Variants in KCNIP4 observed in about 807,000 individuals in gnomAD.
The protein encoded by KCNIP4 is Kv channel-interacting protein 4.
Under a neutral mutation model 34.0 loss-of-function variants are expected in KCNIP4, and 12 were observed. The observed-to-expected ratio is 0.35, with a 90% CI of 0.23 to 0.57. KCNIP4 has a LOEUF of 0.57. Among genes scored for constraint, KCNIP4 ranks in the 20% least tolerant of loss-of-function variants. The probability of loss-of-function intolerance (pLI) is 0.83; values close to 1 mark genes in which losing one functional copy is unlikely to be tolerated. For missense variants in KCNIP4, 238 were observed against 311.7 expected (o/e 0.76, Z 1.78); for synonymous variants, 124 against 102.2 (o/e 1.21, Z -1.29).
chr4:21,291,582 G>A (rs1186924959), intron 1 of KCNIP4, among the ~76,000 whole-genome samples: 4 of 152,046 alleles, frequency 2.6e-5, no homozygotes, highest in African/African-American at 4.8e-5. Flanking sequence ...AGGTGCGGTG[G>A]CTCACGCCTG....
chr4:21,581,117 G>A (rs1047645609), intron 1 of KCNIP4, among the ~76,000 whole-genome samples: 1 of 151,942 alleles, frequency 6.6e-6, no homozygotes, highest in African/African-American at 2.4e-5. Context: ...AAAGGTTTAG[G>A]TGAAACATCA....
chr4:21,851,739 A>T (rs1271281600), intron 1 of KCNIP4: 1 of 152,146 alleles, frequency 6.6e-6, no homozygotes, highest in Non-Finnish European at 1.5e-5. Context: ...AGCTATATAT[A>T]CCACGTACAC....
intron 1 of KCNIP4, among the ~76,000 whole-genome samples, chr4:21,875,452 C>T (rs568619762): frequency 7.9e-5 from 12 of 152,234 alleles, no homozygotes; most frequent in African/African-American, 2.4e-4. Context: ...TGCTTTTCTA[C>T]GTTGAAATAG....
intron 1 of KCNIP4, among the ~76,000 whole-genome samples, chr4:21,683,394 CTAACA>C (rs1319578387): frequency 6.8e-6 from 1 of 147,798 alleles, no homozygotes; most frequent in Non-Finnish European, 1.5e-5. Context: ...GTCACTGAAC[CTAACA>C]TAAGTAACTT....
rs1736202921 is a variant in KCNIP4, at chr4:21,528,675, CAAAGAAAGAAAGAAAGAAA to C, written c.61+419877_61+419895del. Among the ~76,000 whole-genome samples, 49 of 84,252 alleles carry C rather than the reference CAAAGAAAGAAAGAAAGAAA, an allele frequency of 5.8e-4. 3 individuals are homozygous for C. The highest frequency in any genetic ancestry group is 2.2e-3 in the African/African-American group (44 of 20,054). 55.3% of individuals were successfully genotyped at this position (84,252 alleles called of 152,430 possible). A position where few individuals can be genotyped will look rare whatever the true frequency, so the allele number is the denominator to read the frequency against. On this transcript the variant is annotated intron_variant, in intron 1 of 8. Coordinates refer to ENST00000382152, the MANE Select transcript of KCNIP4 (RefSeq NM_025221.6). ...GAGGGAGACTCTGTCTCATAAAAAA[CAAAGAAAGAAAGAAAGAAA>C]GAAAGAAAGAAAGAAAGAAAGAAAG... is the stretch of plus-strand genomic sequence containing the variant.
intron 1 of KCNIP4, among the ~76,000 whole-genome samples, chr4:20,989,353 G>A (rs942771198): frequency 6.6e-6 from 1 of 152,164 alleles, no homozygotes. Context: ...TGCATAAAAA[G>A]GAGGTATAGA....
At chr4:20,747,292 AAT>A (rs1163991140) in intron 5 of KCNIP4, among the ~76,000 whole-genome samples, 1 of 152,200 alleles carries the variant, frequency 6.6e-6, no homozygotes, top group East Asian at 1.9e-4. Flanking sequence ...TGGAGTCACT[AAT>A]AGTTTTTGCC....
intron 1 of KCNIP4, among the ~76,000 whole-genome samples, chr4:21,907,504 A>C (rs1728069522): frequency 6.6e-6 from 1 of 152,216 alleles, no homozygotes; most frequent in African/African-American, 2.4e-5. Flanking sequence ...ACAGAGGAAG[A>C]CAAGTACTAT....
At chr4:21,252,777 C>T (rs6817448) in intron 1 of KCNIP4, among the ~76,000 whole-genome samples, 39,814 of 126,514 alleles carry the variant, frequency 0.31, 5,801 homozygotes, top group Middle Eastern at 0.42. Flanking sequence ...TTTTTTTTGT[C>T]GTAAGTATTA....
At chr4:21,031,069 G>T (rs190360069) in intron 1 of KCNIP4, among the ~76,000 whole-genome samples, 14 of 152,244 alleles carry the variant, frequency 9.2e-5, no homozygotes, top group African/African-American at 3.4e-4. Flanking sequence ...TCAGGGTCAG[G>T]TTCCATCTTC....
chr4:21,876,462 T>G lies in KCNIP4; in HGVS notation c.61+72109A>C, dbSNP rs181329734. On this transcript the variant is annotated intron_variant, in intron 1 of 8. Transcript: ENST00000382152. ...GGGTTAAGAAGCAGAAGCAGGATTG[T>G]AAGCGGAGTACTAAATGAGGAAATA... Among the ~76,000 whole-genome samples, 20 of 152,230 alleles carry G rather than the reference T, an allele frequency of 1.3e-4. No individual in the cohort carries two copies. The East Asian group carries it at 3.9e-3, about 29-fold the overall frequency.
intron 1 of KCNIP4, among the ~76,000 whole-genome samples, chr4:21,910,887 C>T (rs1010966377): frequency 2.6e-5 from 4 of 152,072 alleles, no homozygotes; most frequent in Non-Finnish European, 5.9e-5. Context: ...GGGCCGAGGC[C>T]ATTCATTTAC....
chr4:21,615,645 G>T (rs150845612), intron 1 of KCNIP4, among the ~76,000 whole-genome samples: 2 of 152,224 alleles, frequency 1.3e-5, no homozygotes, highest in African/African-American at 4.8e-5. Context: ...AAGAATTGAG[G>T]AGAAAAATAA....
chr4:20,803,761 G>C (rs958504715), intron 3 of KCNIP4, among the ~76,000 whole-genome samples: 1 of 146,370 alleles, frequency 6.8e-6, no homozygotes, highest in Non-Finnish European at 1.5e-5. Flanking sequence ...AAGGAAAGAA[G>C]GAAGGAAGGA....
chr4:21,038,752 T>C (rs1741682330), intron 1 of KCNIP4, among the ~76,000 whole-genome samples: 1 of 152,230 alleles, frequency 6.6e-6, no homozygotes, highest in South Asian at 2.1e-4. Context: ...TTTACAAATA[T>C]CTACGTTATG....
intron 1 of KCNIP4, among the ~76,000 whole-genome samples, chr4:21,286,969 G>A (rs1763161519): frequency 6.6e-6 from 1 of 152,066 alleles, no homozygotes; most frequent in Non-Finnish European, 1.5e-5. Flanking sequence ...AACAAAAGCA[G>A]GCTGTTTTGT....
At chr4:20,750,980 A>C (rs1411896069) in intron 4 of KCNIP4, among the ~76,000 whole-genome samples, 1 of 152,150 alleles carries the variant, frequency 6.6e-6, no homozygotes, top group Non-Finnish European at 1.5e-5. Context: ...GGAGTACAGA[A>C]TTGCCCTCTG....
chr4:21,840,205 A>T (rs1723592826), intron 1 of KCNIP4, among the ~76,000 whole-genome samples: 1 of 151,496 alleles, frequency 6.6e-6, no homozygotes, highest in Non-Finnish European at 1.5e-5. Context: ...AAGATACTAG[A>T]TACAACTGTG....
intron 1 of KCNIP4, among the ~76,000 whole-genome samples, chr4:21,444,263 T>C (rs966081031): frequency 4.5e-4 from 69 of 152,192 alleles, no homozygotes; most frequent in African/African-American, 1.6e-3. Context: ...GAATCCTCCC[T>C]AACTCATTTT....
Sources: gnomAD v4.1 joint callset for allele counts (sites outside exome capture counted in the v4.1 genomes callset) on GRCh38, gnomAD v4.1.1 for gene constraint, MANE v1.5 for transcripts, NCBI Gene and HGNC (gene_info 2026-07-23, HGNC 2026-07-21) for gene names.